ZNF124: variants seen among roughly 807,000 people sequenced by gnomAD.
ZNF124 encodes zinc finger protein HZF-16.
In ZNF124, 25 loss-of-function variants were observed where a neutral mutation model predicts 26.6. The observed-to-expected ratio is 0.94, with a 90% CI of 0.68 to 1.31. The LOEUF (loss-of-function observed/expected upper bound fraction) is 1.31. Ranked by LOEUF, ZNF124 falls within the 40% of genes most tolerant of loss-of-function variation. ZNF124 has a pLI of 0.00. For missense variants in ZNF124, 444 were observed against 422.2 expected, an observed-to-expected ratio of 1.05 and a Z score of -0.45; for synonymous variants, 129 against 133.3, an observed-to-expected ratio of 0.97 and a Z score of 0.22.
chr1:247,125,842 G>A (rs1477518628), intron 3 of ZNF124, among the ~76,000 whole-genome samples: 5 of 152,254 alleles, frequency 3.3e-5, no homozygotes, highest in African/African-American at 4.8e-5. Context: ...ATGCAGCAAT[G>A]TGGCTGGATC....
chr1:247,140,509 C>G (rs1352007677), intron 3 of ZNF124, among the ~76,000 whole-genome samples: 1 of 152,186 alleles, frequency 6.6e-6, no homozygotes, highest in Non-Finnish European at 1.5e-5. Context: ...TGTTGAAAAA[C>G]TGGTGTGGTC....
At chr1:247,139,798 C>CT (rs889673417) in intron 3 of ZNF124, among the ~76,000 whole-genome samples, 8 of 152,172 alleles carry the variant, frequency 5.3e-5, no homozygotes, top group African/African-American at 1.9e-4. Flanking sequence ...AGATTTTTTT[C>CT]TTTAAGAATG....
chr1:247,136,134 C>A (rs1289249211), intron 3 of ZNF124, among the ~76,000 whole-genome samples: 1 of 152,146 alleles, frequency 6.6e-6, no homozygotes, highest in Non-Finnish European at 1.5e-5. Context: ...AGGATGACCT[C>A]TCTCACCACT....
chr1:247,166,133 C>T (rs915559126), intron 1 of ZNF124, among the ~76,000 whole-genome samples: 2 of 152,098 alleles, frequency 1.3e-5, no homozygotes, highest in African/African-American at 2.4e-5. Flanking sequence ...AAGCCAAAAT[C>T]GTGCCACTGC....
chr1:247,163,227 T>C (rs1673585450), intron 1 of ZNF124, among the ~76,000 whole-genome samples: 1 of 151,454 alleles, frequency 6.6e-6, no homozygotes, highest in Middle Eastern at 3.4e-3. Flanking sequence ...CAACCTAACA[T>C]TACACTTAGA....
At chr1:247,170,742 G>A (rs1233504507) in intron 1 of ZNF124, among the ~76,000 whole-genome samples, 1 of 142,648 alleles carries the variant, frequency 7.0e-6, no homozygotes, top group African/African-American at 2.9e-5. Context: ...GTACATAACT[G>A]GGGGCTGCAT....
chr1:247,148,417 G>A (rs184452698), intron 3 of ZNF124, among the ~76,000 whole-genome samples: 31 of 152,294 alleles, frequency 2.0e-4, no homozygotes, highest in Admixed American at 1.6e-3. Context: ...GTGAACATTC[G>A]TGGATTTTTT....
Position 247,155,953 on chromosome 1 carries a change from A to T in ZNF124, c.*613T>A, listed in dbSNP as rs763128538. 2 of 941,576 alleles carry T rather than the reference A, an allele frequency of 2.1e-6. No individual in the cohort carries two copies. Among genetic ancestry groups the T allele is most frequent in the African/African-American group, 3.6e-5 (2 of 56,052 alleles). The allele number at this position is 941,576 out of a possible 1,614,324, so 58.3% of individuals were successfully genotyped here. On this transcript the variant is annotated 3_prime_UTR_variant, in exon 4 of 4. Coordinates refer to ENST00000543802, the MANE Select transcript of ZNF124 (RefSeq NM_001297568.2). ...AGACTCTCTTCAAAAATGAGCAACC[A>T]ATATATTCAATTTATTTATAGCTCC...
chr1:247,156,617 C>T lies in ZNF124; in HGVS notation c.1005G>A (p.Lys335=). 1 of 1,569,560 alleles carries T rather than the reference C, an allele frequency of 6.4e-7. No individual in the cohort carries two copies. The highest frequency in any genetic ancestry group is 8.6e-7 in the Non-Finnish European group (1 of 1,164,652). The change falls in exon 4 of 4, where the codon AAG becomes AAA. Residue 335 remains lysine, a synonymous_variant. Coordinates refer to ENST00000543802, the MANE Select transcript of ZNF124 (RefSeq NM_001297568.2). The part of the protein sequence containing the change: ...KAFSRASTLW[K]HKKTHTGEKP... ...TTTCTCCAGTATGAGTTTTTTTATG[C>T]TTCCAAAGGGTACTAGCACGACTAA...
intron 3 of ZNF124, among the ~76,000 whole-genome samples, chr1:247,143,261 A>C (rs1342699575): frequency 6.6e-6 from 1 of 152,206 alleles, no homozygotes; most frequent in East Asian, 1.9e-4. Flanking sequence ...ATACTAAGTT[A>C]CAATTGATGT....
intron 1 of ZNF124, among the ~76,000 whole-genome samples, chr1:247,170,851 A>G (rs200778436): frequency 0.067 from 7,725 of 114,864 alleles, 242 homozygotes; most frequent in African/African-American, 0.16. Context: ...GGTCAGGTCA[A>G]GGGTCAATCT....
chr1:247,137,770 CAAAA>C (rs895207819), intron 3 of ZNF124, among the ~76,000 whole-genome samples: 14 of 151,862 alleles, frequency 9.2e-5, no homozygotes, highest in Non-Finnish European at 1.3e-4. Context: ...CAAGAAAAAA[CAAAA>C]AACTCATCAA....
chr1:247,135,485 G>A (rs1487517218), intron 3 of ZNF124, among the ~76,000 whole-genome samples: 2 of 152,104 alleles, frequency 1.3e-5, no homozygotes, highest in African/African-American at 2.4e-5. Context: ...CCAGGAAGAC[G>A]TCACATCCCT....
In ZNF124 at chr1:247,168,003, C is replaced by T. The variant is rs1343442314; in HGVS notation, c.30+3845G>A. Among the ~76,000 whole-genome samples the T allele has an allele frequency of 1.3e-5, 2 of 152,172 alleles. No homozygotes were observed. The highest frequency in any genetic ancestry group is 2.9e-5 in the Non-Finnish European group (2 of 68,022). On this transcript the variant is annotated intron_variant, in intron 1 of 3. Coordinates refer to ENST00000543802, the MANE Select transcript of ZNF124 (RefSeq NM_001297568.2). The surrounding 1 kb of genome is among the most constrained non-coding windows in gnomAD (Gnocchi z 4.0). ...AAATTAAAACCATAATGAGATACCA[C>T]CTTACTCCTGTAAGAATGGCCATAA...
intron 3 of ZNF124, chr1:247,157,642 C>T (rs1673228031): frequency 3.5e-6 from 2 of 569,806 alleles, no homozygotes; most frequent in Non-Finnish European, 3.2e-6. Flanking sequence ...TACACTGCTA[C>T]CAATATCAGA....
intron 1 of ZNF124, among the ~76,000 whole-genome samples, chr1:247,169,317 C>A (rs1409348089): frequency 6.6e-6 from 1 of 152,210 alleles, no homozygotes; most frequent in African/African-American, 2.4e-5. Context: ...CAAGGACCAA[C>A]CTCCCAGCGC....
At chr1:247,143,868 T>C (rs1672692029) in intron 3 of ZNF124, among the ~76,000 whole-genome samples, 1 of 152,074 alleles carries the variant, frequency 6.6e-6, no homozygotes, top group African/African-American at 2.4e-5. Flanking sequence ...ACTAAGTCTC[T>C]CAGAAAAAAA....
chr1:247,169,261 G>A (rs1490426730), intron 1 of ZNF124, among the ~76,000 whole-genome samples: 1 of 152,124 alleles, frequency 6.6e-6, no homozygotes, highest in African/African-American at 2.4e-5. Context: ...CTCTCAAGCA[G>A]GAGATTCCCT....
At chr1:247,132,204 TAAAG>T (rs1319818814) in intron 3 of ZNF124, among the ~76,000 whole-genome samples, 2 of 151,588 alleles carry the variant, frequency 1.3e-5, no homozygotes, top group Non-Finnish European at 2.9e-5. Context: ...CCTGACTACT[TAAAG>T]AAAAACAAGC....
Sources: gnomAD v4.1 joint callset for allele counts (sites outside exome capture counted in the v4.1 genomes callset) on GRCh38, gnomAD v4.1.1 for gene constraint, Gnocchi (gnomAD v3.1) non-coding constraint, MANE v1.5 for transcripts, NCBI Gene and HGNC (gene_info 2026-07-23, HGNC 2026-07-21) for gene names.